Variants in RARB observed in about 807,000 individuals in gnomAD.
RARB encodes HBV-activated protein.
RARB carries 17 observed loss-of-function variants against 51.9 expected under a neutral mutation model. The observed-to-expected ratio is 0.33, with a 90% CI of 0.22 to 0.49. The LOEUF is 0.49. Among genes scored for constraint, RARB ranks in the 20% least tolerant of loss-of-function variants. RARB has a pLI of 0.99. For missense variants in RARB, 369 were observed against 550.8 expected, an observed-to-expected ratio of 0.67 and a Z score of 3.30; for synonymous variants, 215 against 195.4, an observed-to-expected ratio of 1.10 and a Z score of -0.84.
chr3:25,006,224 T>C (rs1369505754), intron 2 of RARB, among the ~76,000 whole-genome samples: 1 of 152,192 alleles, frequency 6.6e-6, no homozygotes, highest in Non-Finnish European at 1.5e-5. Flanking sequence ...TAAGCACTGA[T>C]GTTTGAGTTT....
chr3:25,214,751 C>T (rs1216184175), intron 5 of RARB, among the ~76,000 whole-genome samples: 3 of 152,312 alleles, frequency 2.0e-5, no homozygotes, highest in African/African-American at 2.4e-5. Flanking sequence ...TTGAACATTG[C>T]TTCCCATCTT....
chr3:25,071,513 T>G (rs1698765387), intron 3 of RARB, among the ~76,000 whole-genome samples: 1 of 152,174 alleles, frequency 6.6e-6, no homozygotes, highest in African/African-American at 2.4e-5. Context: ...TGCTTGAAAC[T>G]CCTTCTTGCC....
intron 2 of RARB, among the ~76,000 whole-genome samples, chr3:24,876,352 CCCT>C (rs1372069322): frequency 6.6e-6 from 1 of 151,960 alleles, no homozygotes; most frequent in Non-Finnish European, 1.5e-5. Flanking sequence ...TTTTCTGCTT[CCCT>C]CATTTCTTCT....
intron 3 of RARB, among the ~76,000 whole-genome samples, chr3:25,510,856 T>C (rs1369840921): frequency 1.3e-5 from 2 of 152,230 alleles, no homozygotes; most frequent in East Asian, 1.9e-4. Context: ...ACAGCCTTAA[T>C]TAATATTTCT....
At position 25,022,799 on chromosome 3, in the gene RARB, G is replaced by A. The variant is rs185936550; in HGVS notation, c.-379-37326G>A. ...GGCATTGTGTAAAGATGAGTGGCAA[G>A]AAGCAGCATGGTGGGAAAGAGCTGG... is the stretch of plus-strand genomic sequence containing the variant. On this transcript the variant is annotated intron_variant, in intron 2 of 11. Coordinates refer to the RARB transcript ENST00000383772. Among the ~76,000 whole-genome samples the A allele has an allele frequency of 1.4e-3, 217 of 152,318 alleles. 2 individuals are homozygous for A. The highest frequency in any genetic ancestry group is 5.0e-3 in the African/African-American group (209 of 41,574).
At chr3:25,420,257 A>G (rs1384045679) in intron 5 of RARB, among the ~76,000 whole-genome samples, 1 of 152,184 alleles carries the variant, frequency 6.6e-6, no homozygotes, top group African/African-American at 2.4e-5. Flanking sequence ...CACTAGGATG[A>G]ATTTAAATTC....
chr3:25,451,413 T>A (rs1169568226), intron 1 of RARB, among the ~76,000 whole-genome samples: 1 of 152,224 alleles, frequency 6.6e-6, no homozygotes, highest in Non-Finnish European at 1.5e-5. Context: ...CACAATTTTA[T>A]GCAGGCTCAT....
intron 2 of RARB, among the ~76,000 whole-genome samples, chr3:24,970,448 T>C (rs1209613892): frequency 6.6e-6 from 1 of 151,986 alleles, no homozygotes; most frequent in African/African-American, 2.4e-5. Flanking sequence ...GTCTACTCTG[T>C]GTGTCTTTTA....
intron 2 of RARB, among the ~76,000 whole-genome samples, chr3:24,872,078 C>G (rs1702959039): frequency 6.6e-6 from 1 of 152,164 alleles, no homozygotes; most frequent in South Asian, 2.1e-4. Context: ...CATGACACTT[C>G]TTAAAGTCCT....
chr3:25,110,884 G>T (rs963472478), intron 3 of RARB, among the ~76,000 whole-genome samples: 1 of 152,138 alleles, frequency 6.6e-6, no homozygotes, highest in Admixed American at 6.5e-5. Context: ...GCTGCATTAT[G>T]TGAAAGACAC....
At chr3:24,910,145 T>G (rs1268705108) in intron 2 of RARB, among the ~76,000 whole-genome samples, 1 of 152,154 alleles carries the variant, frequency 6.6e-6, no homozygotes, top group Non-Finnish European at 1.5e-5. Context: ...CTCTTCCTTT[T>G]TTTACTCCAC....
At chr3:25,007,825 C>T (rs931826299) in intron 2 of RARB, among the ~76,000 whole-genome samples, 1 of 151,940 alleles carries the variant, frequency 6.6e-6, no homozygotes, top group Non-Finnish European at 1.5e-5. Context: ...ATACGTGTTA[C>T]ATCTCTGTGG....
chr3:25,418,864 T>C (rs1707779253), intron 5 of RARB, among the ~76,000 whole-genome samples: 1 of 151,178 alleles, frequency 6.6e-6, no homozygotes, highest in Non-Finnish European at 1.5e-5. Flanking sequence ...GGTGGTCAGT[T>C]ACTATAGGGA....
chr3:25,064,029 G>A (rs1045901558), intron 3 of RARB, among the ~76,000 whole-genome samples: 1 of 151,906 alleles, frequency 6.6e-6, no homozygotes, highest in African/African-American at 2.4e-5. Context: ...ACAGAGAAGG[G>A]ATTACAAAAG....
At chr3:25,032,730 G>A (rs1438730105) in intron 2 of RARB, among the ~76,000 whole-genome samples, 1 of 152,130 alleles carries the variant, frequency 6.6e-6, no homozygotes, top group Non-Finnish European at 1.5e-5. Context: ...TTCAGCAGGG[G>A]GCAGGGAGGG....
chr3:25,206,439 C>T (rs1222695724), intron 5 of RARB, among the ~76,000 whole-genome samples: 2 of 152,156 alleles, frequency 1.3e-5, no homozygotes, highest in Non-Finnish European at 2.9e-5. Flanking sequence ...GAGGATTTTG[C>T]TGGCTACTCA....
rs138997869 is a variant in RARB at position 25,026,374 on chromosome 3, G to A, written c.-379-33751G>A. Among the ~76,000 whole-genome samples, 13 of 152,278 alleles carry A rather than the reference G, an allele frequency of 8.5e-5. No individual in the cohort carries two copies. The East Asian group carries it at 2.1e-3, about 25-fold the overall frequency. On this transcript the variant is annotated intron_variant, in intron 2 of 11. Transcript: ENST00000383772. ...GGCTCATTTTCTCACAATTTTGGGG[G>A]CTACAAGCCCAAGATCAAGGTGTTG...
At chr3:25,487,333 C>T (rs1696522957) in intron 2 of RARB, among the ~76,000 whole-genome samples, 3 of 152,192 alleles carry the variant, frequency 2.0e-5, no homozygotes, top group Non-Finnish European at 2.9e-5. Context: ...GTGGTTTCAC[C>T]TACCACTCTC....
intron 1 of RARB, among the ~76,000 whole-genome samples, chr3:25,450,039 C>G (rs931707107): frequency 2.0e-5 from 3 of 152,236 alleles, no homozygotes; most frequent in Admixed American, 2.0e-4. Context: ...GCTTAAGCCA[C>G]TGCGCCTGGC....
Sources: allele counts gnomAD v4.1 joint callset (sites outside exome capture counted in the v4.1 genomes callset), GRCh38; gene constraint gnomAD v4.1.1; transcripts MANE v1.5; gene names NCBI Gene and HGNC (gene_info 2026-07-23, HGNC 2026-07-21).